Variants in ASAP1 observed in about 807,000 individuals in gnomAD.
The protein encoded by ASAP1 is ArfGAP with SH3 domain, ankyrin repeat and PH domain 1.
A neutral mutation model predicts 145.2 loss-of-function variants in ASAP1; 43 were observed. That is an observed-to-expected ratio of 0.30 (90% CI 0.23 to 0.38). The LOEUF (loss-of-function observed/expected upper bound fraction) is 0.38, where lower values mean the gene tolerates loss of function less well. Among genes scored for constraint, ASAP1 ranks in the 10% least tolerant of loss-of-function variants. ASAP1 has a pLI of 1.00. For synonymous variants in ASAP1, 546 were observed against 515.5 expected, an observed-to-expected ratio of 1.06 and a Z score of -0.80; for missense variants, 1,018 against 1,355.3, an observed-to-expected ratio of 0.75 and a Z score of 3.91.
At chr8:130,272,202 G>C (rs1195092186) in intron 3 of ASAP1, among the ~76,000 whole-genome samples, 1 of 151,716 alleles carries the variant, frequency 6.6e-6, no homozygotes, top group Non-Finnish European at 1.5e-5. Context: ...GACATGAATA[G>C]ACATAAAAAT....
intron 1 of ASAP1, among the ~76,000 whole-genome samples, chr8:130,405,624 C>T (rs1422507388): frequency 6.6e-6 from 1 of 152,188 alleles, no homozygotes; most frequent in Non-Finnish European, 1.5e-5. Context: ...CTAATCCCAG[C>T]CTGGCCTACG....
intron 2 of ASAP1, among the ~76,000 whole-genome samples, chr8:130,375,225 C>G (rs1432888037): frequency 2.0e-5 from 3 of 152,046 alleles, no homozygotes; most frequent in Non-Finnish European, 4.4e-5. Context: ...GGCTCTAAAC[C>G]CTTGGATCCC....
chr8:130,326,390 A>G (rs1341238388), intron 3 of ASAP1, among the ~76,000 whole-genome samples: 1 of 152,254 alleles, frequency 6.6e-6, no homozygotes, highest in Non-Finnish European at 1.5e-5. Context: ...ATAAAACATC[A>G]GTGCTGCAAT....
chr8:130,309,626 C>T (rs1393675985), intron 3 of ASAP1, among the ~76,000 whole-genome samples: 1 of 152,046 alleles, frequency 6.6e-6, no homozygotes, highest in Admixed American at 6.5e-5. Context: ...AGGGCAGCCA[C>T]CGAGGAGTGC....
chr8:130,311,186 C>T (rs1177726785), intron 3 of ASAP1, among the ~76,000 whole-genome samples: 3 of 152,148 alleles, frequency 2.0e-5, no homozygotes, highest in Non-Finnish European at 4.4e-5. Flanking sequence ...CACCAAAATG[C>T]CATCTGTAGT....
intron 4 of ASAP1, among the ~76,000 whole-genome samples, chr8:130,225,509 T>C (rs1817538404): frequency 6.6e-6 from 1 of 152,186 alleles, no homozygotes; most frequent in East Asian, 1.9e-4. Context: ...CTATATGGCA[T>C]GAGGAGGAGT....
chr8:130,303,228 T>A (rs927534020), intron 3 of ASAP1, among the ~76,000 whole-genome samples: 5 of 152,338 alleles, frequency 3.3e-5, no homozygotes, highest in Admixed American at 2.0e-4. Flanking sequence ...ACCTTGCTCC[T>A]GGGGTTGCTG....
chr8:130,158,199 C>G (rs2097661692), intron 12 of ASAP1, among the ~76,000 whole-genome samples: 1 of 151,938 alleles, frequency 6.6e-6, no homozygotes, highest in South Asian at 2.1e-4. Context: ...AAACAAGGAG[C>G]TTTCTTTTAA....
chr8:130,095,502 T>C (rs1002159767), intron 24 of ASAP1, among the ~76,000 whole-genome samples: 2 of 151,954 alleles, frequency 1.3e-5, no homozygotes, highest in African/African-American at 4.8e-5. Flanking sequence ...GGTTTTGCCA[T>C]GTTGGCCAGG....
intron 24 of ASAP1, among the ~76,000 whole-genome samples, chr8:130,111,517 C>T (rs941772593): frequency 1.3e-5 from 2 of 152,170 alleles, no homozygotes; most frequent in African/African-American, 4.8e-5. Flanking sequence ...CACATGATGC[C>T]AGTAACTGCA....
In ASAP1 at chr8:130,168,977, T is replaced by C. The variant is rs757211936; in HGVS notation, c.822+15A>G. 3.4e-6 allele frequency: 5 copies of C among 1,481,292 alleles called. No individual in the cohort carries two copies. The Admixed American group carries it at 1.1e-4, about 33-fold the overall frequency. The allele number at this position is 1,481,292 out of a possible 1,614,324, so 91.8% of individuals were successfully genotyped here. A position where few individuals can be genotyped will look rare whatever the true frequency, so the allele number is the denominator to read the frequency against. ...GAAAGCAAGTTAAACTGCATGTATT[T>C]TATAAAGAACTTACATTATATAAAT... On this transcript the variant is annotated intron_variant, in intron 10 of 29. Coordinates refer to ENST00000518721, the MANE Select transcript of ASAP1 (RefSeq NM_018482.4).
intron 3 of ASAP1, among the ~76,000 whole-genome samples, chr8:130,343,432 C>T (rs147674121): frequency 2.6e-5 from 4 of 152,318 alleles, no homozygotes; most frequent in Admixed American, 6.5e-5. Flanking sequence ...TGCACCAACA[C>T]ACACAAGGGC....
intron 2 of ASAP1, among the ~76,000 whole-genome samples, chr8:130,384,135 C>G (rs904665368): frequency 7.2e-5 from 11 of 152,272 alleles, no homozygotes; most frequent in African/African-American, 2.2e-4. Flanking sequence ...TCCAGGTCCT[C>G]TTTATAACCA....
chr8:130,111,589 T>A (rs950656100), intron 24 of ASAP1, among the ~76,000 whole-genome samples: 3 of 152,228 alleles, frequency 2.0e-5, no homozygotes, highest in African/African-American at 7.2e-5. Context: ...GAGCCTCTCA[T>A]AAGGCAAGTG....
intron 3 of ASAP1, among the ~76,000 whole-genome samples, chr8:130,289,822 C>T (rs79254150): frequency 0.016 from 2,469 of 152,274 alleles, 68 homozygotes; most frequent in African/African-American, 0.056. Context: ...TATTATACAA[C>T]ATACCCCACA....
At chr8:130,129,421 C>G (rs1252393975) in intron 15 of ASAP1, among the ~76,000 whole-genome samples, 3 of 152,178 alleles carry the variant, frequency 2.0e-5, no homozygotes. Context: ...GACTTTGTGC[C>G]TTTCTATAAT....
At chr8:130,387,065 C>T (rs1464875244) in intron 2 of ASAP1, among the ~76,000 whole-genome samples, 3 of 152,176 alleles carry the variant, frequency 2.0e-5, no homozygotes, top group African/African-American at 7.2e-5. Context: ...ATTGTTCTCT[C>T]CTCAAATCTG....
At chr8:130,233,312 A>G (rs541877196) in intron 4 of ASAP1, among the ~76,000 whole-genome samples, 1 of 152,304 alleles carries the variant, frequency 6.6e-6, no homozygotes, top group Admixed American at 6.5e-5. Context: ...CCCAGGTAGT[A>G]ACACATCCAG....
At chr8:130,241,468 G>C (rs1818523458) in intron 3 of ASAP1, among the ~76,000 whole-genome samples, 1 of 152,138 alleles carries the variant, frequency 6.6e-6, no homozygotes, top group South Asian at 2.1e-4. Flanking sequence ...CTAGCACACA[G>C]TAGATGCTCA....
Sources: gnomAD v4.1 joint callset for allele counts (sites outside exome capture counted in the v4.1 genomes callset) on GRCh38, gnomAD v4.1.1 for gene constraint, MANE v1.5 for transcripts, NCBI Gene and HGNC (gene_info 2026-07-23, HGNC 2026-07-21) for gene names.